ACSS2: variants seen among roughly 807,000 people sequenced by gnomAD.
The protein encoded by ACSS2 is acyl-CoA synthetase short chain family member 2.
ACSS2 carries 58 observed loss-of-function variants against 90.6 expected under a neutral mutation model. That is an observed-to-expected ratio of 0.64 (90% CI 0.52 to 0.80). ACSS2 has a LOEUF of 0.80. Among genes scored for constraint, ACSS2 ranks in the 30% least tolerant of loss-of-function variants. The pLI is 0.00. For missense variants in ACSS2, 759 were observed against 912.0 expected (o/e 0.83, Z 2.16); for synonymous variants, 300 against 330.9 (o/e 0.91, Z 1.01).
chr20:34,902,341 CAAAT>C (rs891607995), intron 2 of ACSS2, among the ~76,000 whole-genome samples: 8 of 151,872 alleles, frequency 5.3e-5, no homozygotes, highest in South Asian at 2.1e-4. Flanking sequence ...AATAAGTAAA[CAAAT>C]AACAAAAGAA....
chr20:34,919,968 C>G (rs1276430659), intron 8 of ACSS2, among the ~76,000 whole-genome samples: 1 of 152,112 alleles, frequency 6.6e-6, no homozygotes, highest in African/African-American at 2.4e-5. Context: ...TAGTCCTCTG[C>G]CAGCACACAC....
Position 34,926,231 on chromosome 20 carries a change from G to A in ACSS2, c.1853G>A (p.Cys618Tyr), listed in dbSNP as rs1327165785. ...TGCCTCTACTGCTTTGTCACCTTGTGTGATGGCCACACCTTCAGCCCCAAG... is the reference window on the plus strand; with the variant it reads ...TGCCTCTACTGCTTTGTCACCTTGTATGATGGCCACACCTTCAGCCCCAAG... ...GECLYCFVTL[C>Y]DGHTFSPKLT... The change falls in exon 16 of 18, where the codon TGT becomes TAT. Residue 618 changes from cysteine (C) to tyrosine (Y), a missense_variant. By Grantham distance (194) the Cys-to-Tyr change is radical (BLOSUM62 -2). Coordinates refer to ENST00000360596, the MANE Select transcript of ACSS2 (RefSeq NM_018677.4). 5.0e-6 allele frequency: 8 copies of A among 1,614,096 alleles called. No individual in the cohort carries two copies. The highest frequency in any genetic ancestry group is 3.3e-5 in the Admixed American group (2 of 60,008).
chr20:34,883,048 C>A (rs2146969541), intron 2 of ACSS2, 59 bp downstream of exon 2: 3 of 1,362,362 alleles, frequency 2.2e-6, no homozygotes, highest in Middle Eastern at 2.4e-4. Flanking sequence ...ATACTTACAA[C>A]AACCCAGTAG....
chr20:34,882,287 G>A (rs1369209607), intron 1 of ACSS2, among the ~76,000 whole-genome samples: 1 of 152,154 alleles, frequency 6.6e-6, no homozygotes, highest in Admixed American at 6.5e-5. Flanking sequence ...GGAAGAATTT[G>A]AGTCAAGATT....
chr20:34,890,788 G>A (rs989351326), intron 2 of ACSS2, among the ~76,000 whole-genome samples: 2 of 151,978 alleles, frequency 1.3e-5, no homozygotes, highest in Non-Finnish European at 2.9e-5. Context: ...TCCTTCTTCA[G>A]GAACTGGAGC....
Position 34,925,691 on chromosome 20 carries a change from T to G in ACSS2, c.1658-7T>G. 1 of 1,612,278 alleles carries G rather than the reference T, an allele frequency of 6.2e-7. No individual in the cohort carries two copies. The highest frequency in any genetic ancestry group is 8.5e-7 in the Non-Finnish European group (1 of 1,179,270). The stretch of plus-strand genomic sequence containing the variant: ...TTTTATTTATTAGGTTTTGCATTTC[T>G]TCCCAGGCTGCCAGCGGGACCAGGA... On this transcript the variant is annotated splice_polypyrimidine_tract_variant and splice_region_variant and intron_variant, in intron 14 of 17. Coordinates refer to ENST00000360596, the MANE Select transcript of ACSS2 (RefSeq NM_018677.4).
chr20:34,903,339 CAA>C (rs11476381), intron 2 of ACSS2, among the ~76,000 whole-genome samples: 4,808 of 114,992 alleles, frequency 0.042, 104 homozygotes, highest in Non-Finnish European at 0.06. Context: ...GAGACTCTCT[CAA>C]AAAAAAAAAA....
chr20:34,913,567 T>A, intron 4 of ACSS2, 71 bp downstream of exon 4: 2 of 1,441,776 alleles, frequency 1.4e-6, no homozygotes, highest in Non-Finnish European at 1.9e-6. Context: ...TGGGCCTAGA[T>A]GATGGAGGGT....
At chr20:34,878,636 A>G (rs911413164) in intron 1 of ACSS2, among the ~76,000 whole-genome samples, 2 of 152,224 alleles carry the variant, frequency 1.3e-5, no homozygotes, top group Non-Finnish European at 2.9e-5. Context: ...TGCAGAATCC[A>G]TATCCTAATA....
intron 2 of ACSS2, among the ~76,000 whole-genome samples, chr20:34,909,194 CAAAAAAAAA>C (rs759144830): frequency 2.2e-5 from 1 of 45,106 alleles, no homozygotes; most frequent in Non-Finnish European, 4.5e-5. Flanking sequence ...CCTGTCTTTG[CAAAAAAAAA>C]AAAAAAAAAA....
chr20:34,919,173 G>A (rs918809518), intron 7 of ACSS2, among the ~76,000 whole-genome samples: 1 of 152,170 alleles, frequency 6.6e-6, no homozygotes, highest in African/African-American at 2.4e-5. Flanking sequence ...GAAGGGACCA[G>A]CCAAGGGTTC....
intron 3 of ACSS2, 66 bp downstream of exon 3, chr20:34,913,253 A>T (rs2081003022): frequency 1.9e-6 from 3 of 1,574,606 alleles, no homozygotes; most frequent in Non-Finnish European, 2.6e-6. Context: ...TCTGAGACTT[A>T]TGGGGAGAGG....
At chr20:34,925,671 T>C in intron 14 of ACSS2, 27 bp from the exon 15 acceptor site, 1 of 1,605,938 alleles carries the variant, frequency 6.2e-7, no homozygotes, top group African/African-American at 1.3e-5. Flanking sequence ...AGGGTTTTTA[T>C]TTATTAGGTT....
At chr20:34,924,909 A>G (rs1175344960) in intron 14 of ACSS2, among the ~76,000 whole-genome samples, 4 of 151,598 alleles carry the variant, frequency 2.6e-5, no homozygotes, top group Admixed American at 2.6e-4. Context: ...CATGTTGGCC[A>G]TGTTGGTCTC....
rs1018584928 is a variant in ACSS2, at chr20:34,883,932, A to ATTGTT, written c.374+961_374+965dup. On this transcript the variant is annotated intron_variant, in intron 2 of 17. Transcript: ENST00000360596. ...CTCAGAGTTGATCTATTGTTTTTGT[A>ATTGTT]TTGTTTTGTTTTGTTTTGTTTTTTT... Among the ~76,000 whole-genome samples the ATTGTT allele has an allele frequency of 4.6e-5, 7 of 151,884 alleles. No individual in the cohort carries two copies. The South Asian group carries it at 6.2e-4, about 14-fold the overall frequency.
chr20:34,923,066 T>A (rs1388798035), intron 13 of ACSS2: 1 of 404,670 alleles, frequency 2.5e-6, no homozygotes, highest in African/African-American at 2.0e-5. Context: ...ATTAATTTAA[T>A]CCTCACAATA....
chr20:34,900,453 G>T (rs1431300661), intron 2 of ACSS2, among the ~76,000 whole-genome samples: 2 of 152,054 alleles, frequency 1.3e-5, no homozygotes, highest in African/African-American at 4.8e-5. Flanking sequence ...GGGATTACAG[G>T]CATGTGCTAC....
chr20:34,924,794 G>A (rs959618460), intron 14 of ACSS2, among the ~76,000 whole-genome samples: 4 of 152,062 alleles, frequency 2.6e-5, no homozygotes, highest in South Asian at 2.1e-4. Context: ...CCACCTCCCG[G>A]GTTCAAGCAA....
At chr20:34,877,994 C>T (rs1397844161) in intron 1 of ACSS2, among the ~76,000 whole-genome samples, 1 of 152,006 alleles carries the variant, frequency 6.6e-6, no homozygotes, top group Non-Finnish European at 1.5e-5. Flanking sequence ...AGTGCAGTGG[C>T]CCGTTCTAGG....
Sources: gnomAD v4.1 joint callset for allele counts (sites outside exome capture counted in the v4.1 genomes callset) on GRCh38, gnomAD v4.1.1 for gene constraint, MANE v1.5 for transcripts, NCBI Gene and HGNC (gene_info 2026-07-23, HGNC 2026-07-21) for gene names.